Variants in PDE3B observed in about 807,000 individuals in gnomAD.
PDE3B encodes phosphodiesterase 3B.
A neutral mutation model predicts 116.8 loss-of-function variants in PDE3B; 66 were observed. The observed-to-expected ratio is 0.56, with a 90% CI of 0.46 to 0.69. The LOEUF is 0.69. Ranked by LOEUF, PDE3B falls within the 30% of genes least tolerant of loss-of-function variation. The pLI, the probability that PDE3B is intolerant of heterozygous loss-of-function variation, is 0.00. For missense variants in PDE3B, 1,384 were observed against 1,368.1 expected (o/e 1.01, Z -0.18); for synonymous variants, 595 against 533.6 (o/e 1.12, Z -1.59).
intron 2 of PDE3B, chr11:14,775,230 C>T (rs1857751785): frequency 6.6e-6 from 1 of 152,126 alleles, no homozygotes; most frequent in Non-Finnish European, 1.5e-5. Flanking sequence ...TCTTTCCAAC[C>T]TGTTTTTCAT....
At chr11:14,889,908 C>G in the PDE3B span, among the ~76,000 whole-genome samples, 8 of 152,218 alleles carry the variant, frequency 5.3e-5, no homozygotes, top group African/African-American at 1.7e-4. Context: ...GCGGGCAGAT[C>G]ACGAGGTCAG....
intron 7 of PDE3B, among the ~76,000 whole-genome samples, chr11:14,827,198 C>G (rs1385703946): frequency 6.6e-6 from 1 of 152,056 alleles, no homozygotes; most frequent in Non-Finnish European, 1.5e-5. Context: ...TAGGAGAAAC[C>G]CACAGCCAAC....
intron 1 of PDE3B, among the ~76,000 whole-genome samples, chr11:14,663,145 G>A (rs1373758373): frequency 5.3e-5 from 8 of 151,932 alleles, no homozygotes; most frequent in African/African-American, 1.9e-4. Context: ...GAGAGTGGGG[G>A]CCAATATTCA....
At chr11:14,840,054 T>C (rs1327196803) in intron 11 of PDE3B, among the ~76,000 whole-genome samples, 1 of 152,192 alleles carries the variant, frequency 6.6e-6, no homozygotes, top group East Asian at 1.9e-4. Flanking sequence ...TCCAAAATAC[T>C]ACTGTAAGGC....
intron 2 of PDE3B, among the ~76,000 whole-genome samples, chr11:14,779,812 A>G (rs1448681470): frequency 6.6e-6 from 1 of 152,208 alleles, no homozygotes; most frequent in Non-Finnish European, 1.5e-5. Flanking sequence ...AAATTCACAC[A>G]TAACAATATT....
intron 11 of PDE3B, among the ~76,000 whole-genome samples, chr11:14,836,200 T>G (rs530687112): frequency 9.3e-4 from 141 of 152,332 alleles, no homozygotes; most frequent in African/African-American, 2.4e-3. Context: ...TTTTTTGTTT[T>G]AGCTGTCATT....
chr11:14,836,964 CT>C (rs1860075502), intron 11 of PDE3B, among the ~76,000 whole-genome samples: 1 of 152,210 alleles, frequency 6.6e-6, no homozygotes, highest in Non-Finnish European at 1.5e-5. Context: ...CAGATGCACG[CT>C]GCCATGCCTG....
chr11:14,716,014 T>A (rs1447036583), intron 1 of PDE3B, among the ~76,000 whole-genome samples: 1 of 152,140 alleles, frequency 6.6e-6, no homozygotes, highest in East Asian at 1.9e-4. Context: ...GGTACCGGGT[T>A]CATCTCACTA....
the PDE3B span, among the ~76,000 whole-genome samples, chr11:14,881,744 C>T: frequency 6.6e-6 from 1 of 152,108 alleles, no homozygotes; most frequent in South Asian, 2.1e-4. Context: ...TGCTGGCTTT[C>T]CTCAATGCCT....
intron 1 of PDE3B, among the ~76,000 whole-genome samples, chr11:14,725,713 C>T (rs1325622989): frequency 6.7e-6 from 1 of 149,414 alleles, no homozygotes; most frequent in Non-Finnish European, 1.5e-5. Context: ...CATTTGTGCT[C>T]AATATGATTA....
At chr11:14,728,370 G>C (rs1162369821) in intron 1 of PDE3B, among the ~76,000 whole-genome samples, 1 of 152,028 alleles carries the variant, frequency 6.6e-6, no homozygotes, top group African/African-American at 2.4e-5. Flanking sequence ...TGAAAACCTA[G>C]ATTTAGTCAG....
chr11:14,798,857 T>G (rs1014203230), intron 4 of PDE3B, among the ~76,000 whole-genome samples: 6 of 152,206 alleles, frequency 3.9e-5, no homozygotes, highest in African/African-American at 1.2e-4. Context: ...GGTCAATATA[T>G]TTTGTTGATC....
At chr11:14,784,572 A>G (rs1188441538) in intron 2 of PDE3B, among the ~76,000 whole-genome samples, 1 of 152,150 alleles carries the variant, frequency 6.6e-6, no homozygotes, top group East Asian at 1.9e-4. Flanking sequence ...TCAAGATGGA[A>G]TCATAAAAAT....
intron 1 of PDE3B, among the ~76,000 whole-genome samples, chr11:14,767,714 C>A (rs1258195241): frequency 1.3e-5 from 2 of 151,240 alleles, no homozygotes; most frequent in African/African-American, 4.8e-5. Flanking sequence ...CTGCGGAAAT[C>A]AAAATTAACC....
rs1029298815 is a variant in PDE3B, at chr11:14,685,473, T to A, written c.978+40420T>A. Among the ~76,000 whole-genome samples the A allele has an allele frequency of 9.0e-4, 132 of 146,980 alleles. 1 individual carries two copies. The highest frequency in any genetic ancestry group is 3.0e-3 in the African/African-American group (120 of 39,592). On this transcript the variant is annotated intron_variant, in intron 1 of 15. Transcript: ENST00000282096. The stretch of plus-strand genomic sequence containing the variant: ...TTTTTTTTTTTTTTTTTTTTTTTTT[T>A]AAGACAGAGTCTTGCTCTGTTACCT...
In PDE3B at chr11:14,785,686, G is replaced by A. The variant is rs559832637; in HGVS notation, c.1030-751G>A. Among the ~76,000 whole-genome samples, 6 of 151,720 alleles carry A rather than the reference G, an allele frequency of 4.0e-5. No homozygotes were observed. In the South Asian group the frequency reaches 8.3e-4, roughly 21 times the overall value. On this transcript the variant is annotated intron_variant, in intron 2 of 15. Coordinates refer to ENST00000282096, the MANE Select transcript of PDE3B (RefSeq NM_000922.4). ...GTAAAAATCATCTCATGTTTACATC[G>A]GTGACATATTTCTTCTAAATTAAAA...
chr11:14,723,352 C>T (rs1856180202), intron 1 of PDE3B, among the ~76,000 whole-genome samples: 1 of 152,186 alleles, frequency 6.6e-6, no homozygotes, highest in Non-Finnish European at 1.5e-5. Context: ...AACCTCAGAT[C>T]TCATGCCACT....
At chr11:14,653,613 C>T (rs924406561) in intron 1 of PDE3B, among the ~76,000 whole-genome samples, 1 of 150,890 alleles carries the variant, frequency 6.6e-6, no homozygotes, top group African/African-American at 2.4e-5. Flanking sequence ...ACCAAAGCTT[C>T]GGATTATATA....
intron 5 of PDE3B, among the ~76,000 whole-genome samples, chr11:14,808,050 C>G (rs540072479): frequency 2.0e-5 from 3 of 149,844 alleles, no homozygotes; most frequent in African/African-American, 4.9e-5. Flanking sequence ...ACAAAGCGAG[C>G]CTTCGTCTCA....
Sources: allele counts gnomAD v4.1 joint callset (sites outside exome capture counted in the v4.1 genomes callset), GRCh38; gene constraint gnomAD v4.1.1; transcripts MANE v1.5; gene names NCBI Gene and HGNC (gene_info 2026-07-23, HGNC 2026-07-21).